Variants in HCN1 observed in about 807,000 individuals in gnomAD.
HCN1 encodes the protein potassium/sodium hyperpolarization-activated cyclic nucleotide-gated channel 1.
In HCN1, 13 loss-of-function variants were observed where a neutral mutation model predicts 78.9. The ratio of observed to expected loss-of-function variants is 0.16; its 90% CI spans 0.11 to 0.26. The LOEUF is 0.26. Ranked by LOEUF, HCN1 falls within the 10% of genes least tolerant of loss-of-function variation. The pLI, the probability that HCN1 is intolerant of heterozygous loss-of-function variation, is 1.00. For missense variants in HCN1, 810 were observed against 1,154.3 expected, an observed-to-expected ratio of 0.70 and a Z score of 4.32; for synonymous variants, 552 against 455.5, an observed-to-expected ratio of 1.21 and a Z score of -2.70.
intron 2 of HCN1, among the ~76,000 whole-genome samples, chr5:45,616,987 T>C (rs1225132180): frequency 3.9e-5 from 6 of 152,054 alleles, no homozygotes; most frequent in African/African-American, 1.2e-4. Flanking sequence ...TGTGGAAATG[T>C]TGTTATCATT....
At chr5:45,496,923 A>C (rs544196858) in intron 2 of HCN1, among the ~76,000 whole-genome samples, 109 of 152,158 alleles carry the variant, frequency 7.2e-4, no homozygotes, top group Non-Finnish European at 1.2e-3. Context: ...CATTGGTTTC[A>C]AAGAACATCT....
At chr5:45,432,046 T>C (rs1354554862) in intron 3 of HCN1, among the ~76,000 whole-genome samples, 3 of 152,238 alleles carry the variant, frequency 2.0e-5, no homozygotes, top group East Asian at 1.9e-4. Flanking sequence ...TTTAACGATA[T>C]TGATTTTTTC....
intron 3 of HCN1, among the ~76,000 whole-genome samples, chr5:45,398,982 A>T (rs542159860): frequency 6.6e-6 from 1 of 152,314 alleles, no homozygotes; most frequent in African/African-American, 2.4e-5. Flanking sequence ...TAATTTATTT[A>T]CAAAGTTTAC....
intron 2 of HCN1, among the ~76,000 whole-genome samples, chr5:45,495,861 T>A (rs2111714789): frequency 6.6e-6 from 1 of 152,356 alleles, no homozygotes; most frequent in Admixed American, 6.5e-5. Flanking sequence ...GAGATAATCA[T>A]GTGGTTTTGG....
At chr5:45,273,620 C>T (rs541246929) in intron 6 of HCN1, among the ~76,000 whole-genome samples, 1 of 152,094 alleles carries the variant, frequency 6.6e-6, no homozygotes, top group Non-Finnish European at 1.5e-5. Context: ...GAATTTTGGG[C>T]AAAACTGTAC....
chr5:45,444,364 A>G (rs2111576647), intron 3 of HCN1, among the ~76,000 whole-genome samples: 1 of 152,348 alleles, frequency 6.6e-6, no homozygotes, highest in East Asian at 1.9e-4. Flanking sequence ...AGTATCTACT[A>G]GTTAGAAAAT....
intron 2 of HCN1, among the ~76,000 whole-genome samples, chr5:45,574,360 T>C (rs1743895393): frequency 1.3e-5 from 2 of 152,240 alleles, no homozygotes; most frequent in South Asian, 4.1e-4. Context: ...TGGTGATCTG[T>C]GATCAGTGAT....
At chr5:45,362,706 C>T (rs983476818) in intron 4 of HCN1, among the ~76,000 whole-genome samples, 2 of 152,044 alleles carry the variant, frequency 1.3e-5, no homozygotes, top group African/African-American at 4.8e-5. Flanking sequence ...GAAATTGAGG[C>T]ACAGAGAATT....
At chr5:45,523,294 T>C (rs895969776) in intron 2 of HCN1, among the ~76,000 whole-genome samples, 1 of 152,172 alleles carries the variant, frequency 6.6e-6, no homozygotes, top group Non-Finnish European at 1.5e-5. Context: ...GTCTTTGCTA[T>C]TGTGAATAGT....
chr5:45,290,615 T>C (rs995887088), intron 6 of HCN1, among the ~76,000 whole-genome samples: 1 of 152,092 alleles, frequency 6.6e-6, no homozygotes, highest in Non-Finnish European at 1.5e-5. Flanking sequence ...GATTAGTTAA[T>C]TTAATTTTAT....
chr5:45,563,172 G>A (rs1170756059), intron 2 of HCN1, among the ~76,000 whole-genome samples: 3 of 152,088 alleles, frequency 2.0e-5, no homozygotes, highest in African/African-American at 7.2e-5. Context: ...AGTGAAGGCC[G>A]GGTGCGGTGG....
At chr5:45,568,985 T>C (rs941960011) in intron 2 of HCN1, among the ~76,000 whole-genome samples, 3 of 152,056 alleles carry the variant, frequency 2.0e-5, no homozygotes, top group African/African-American at 7.2e-5. Flanking sequence ...TCATAAAGCC[T>C]AGACAGGTTA....
chr5:45,677,709 G>C (rs969204762), intron 1 of HCN1, among the ~76,000 whole-genome samples: 2 of 151,848 alleles, frequency 1.3e-5, no homozygotes, highest in African/African-American at 4.8e-5. Flanking sequence ...GAGAGAAAGA[G>C]AGCGAGTAAA....
chr5:45,497,144 A>C (rs538147216), intron 2 of HCN1, among the ~76,000 whole-genome samples: 1 of 152,206 alleles, frequency 6.6e-6, no homozygotes, highest in South Asian at 2.1e-4. Flanking sequence ...TTTTGGAATA[A>C]GTGTGGTGTG....
chr5:45,651,830 G>C (rs1745682046), intron 1 of HCN1, among the ~76,000 whole-genome samples: 2 of 151,898 alleles, frequency 1.3e-5, no homozygotes, highest in African/African-American at 4.8e-5. Flanking sequence ...TATCCATGGA[G>C]GGTGGGAAGG....
intron 2 of HCN1, among the ~76,000 whole-genome samples, chr5:45,600,166 TTC>T (rs765475966): frequency 5.1e-4 from 76 of 148,644 alleles, no homozygotes; most frequent in African/African-American, 4.6e-4. Context: ...CTTGCTTCCA[TTC>T]TCTCTCTCTC....
chr5:45,690,338 T>C (rs1328410553), intron 1 of HCN1, among the ~76,000 whole-genome samples: 1 of 152,030 alleles, frequency 6.6e-6, no homozygotes, highest in Non-Finnish European at 1.5e-5. Flanking sequence ...ATGAGAAAAC[T>C]AACTAACATA....
chr5:45,570,062 A>G (rs1305731039), intron 2 of HCN1, among the ~76,000 whole-genome samples: 1 of 152,126 alleles, frequency 6.6e-6, no homozygotes, highest in Non-Finnish European at 1.5e-5. Flanking sequence ...AATGTCATGA[A>G]ATGTTAGTGT....
At chr5:45,614,996 T>C in intron 2 of HCN1, among the ~76,000 whole-genome samples, 1 of 151,644 alleles carries the variant, frequency 6.6e-6, no homozygotes, top group East Asian at 1.9e-4. Context: ...GTAATTCAAC[T>C]TCGTTAATTT....
Sources: allele counts gnomAD v4.1 joint callset (sites outside exome capture counted in the v4.1 genomes callset), GRCh38; gene constraint gnomAD v4.1.1; transcripts MANE v1.5; gene names NCBI Gene and HGNC (gene_info 2026-07-23, HGNC 2026-07-21).